Variants in CHST9 observed in about 807,000 individuals in gnomAD.
CHST9 encodes GalNAc-4-sulfotransferase 2.
Under a neutral mutation model 44.4 loss-of-function variants are expected in CHST9, and 41 were observed. That is an observed-to-expected ratio of 0.92 (90% CI 0.72 to 1.20). The LOEUF (loss-of-function observed/expected upper bound fraction) is 1.20. Among genes scored for constraint, CHST9 ranks in the 50% most tolerant of loss-of-function variants. CHST9 has a pLI of 0.00. For synonymous variants in CHST9, 171 were observed against 178.4 expected, an observed-to-expected ratio of 0.96 and a Z score of 0.33; for missense variants, 504 against 516.5, an observed-to-expected ratio of 0.98 and a Z score of 0.23.
At chr18:27,180,144 A>C (rs2058900511) in intron 1 of CHST9, among the ~76,000 whole-genome samples, 1 of 152,100 alleles carries the variant, frequency 6.6e-6, no homozygotes, top group East Asian at 1.9e-4. Context: ...TAGTATCTCA[A>C]CACTAGTTTA....
At chr18:26,928,028 A>G (rs2055805317) in intron 5 of CHST9, among the ~76,000 whole-genome samples, 1 of 152,310 alleles carries the variant, frequency 6.6e-6, no homozygotes. Flanking sequence ...CATTTGTTTA[A>G]CAAAGCACAT....
chr18:27,103,556 G>A (rs1177789481), intron 2 of CHST9, among the ~76,000 whole-genome samples: 2 of 152,226 alleles, frequency 1.3e-5, no homozygotes, highest in African/African-American at 4.8e-5. Flanking sequence ...ATGGTGCTAA[G>A]ATGGTGACCG....
chr18:26,908,190 G>A lies in CHST9; in HGVS notation c.*8069C>T, dbSNP rs12458920. Reference sequence around the variant, plus strand: ...TCCCAGCACTTTGGGAGGCTGTGGCGGATGGGTCACGAGGTCAAGAGATCG... The same window carrying A: ...TCCCAGCACTTTGGGAGGCTGTGGCAGATGGGTCACGAGGTCAAGAGATCG... On this transcript the variant is annotated 3_prime_UTR_variant, in exon 6 of 6. Transcript: ENST00000618847. 31,277 of 152,310 alleles carry A rather than the reference G, an allele frequency of 0.21. 3,540 individuals carry two copies. Among genetic ancestry groups the A allele is most frequent in the Middle Eastern group, 0.32 (94 of 296 alleles). 9.4% of individuals were successfully genotyped at this position (152,310 alleles called of 1,614,324 possible).
rs1008070964 is a variant in CHST9, at chr18:26,915,747, T to A, written c.*512A>T. 2.6e-5 allele frequency: 4 copies of A among 152,644 alleles called. No individual in the cohort carries two copies. The highest frequency in any genetic ancestry group is 9.7e-5 in the African/African-American group (4 of 41,442). 9.5% of individuals were successfully genotyped at this position (152,644 alleles called of 1,614,324 possible). A position where few individuals can be genotyped will look rare whatever the true frequency, so the allele number is the denominator to read the frequency against. ...TTGTAAATCACATAATGCCTTCCAATCTAAAGTAAAATGCCTAAGTCCAAA... is the reference window on the plus strand; with the variant it reads ...TTGTAAATCACATAATGCCTTCCAAACTAAAGTAAAATGCCTAAGTCCAAA... On this transcript the variant is annotated 3_prime_UTR_variant, in exon 6 of 6. Transcript: ENST00000618847.
chr18:27,173,113 T>C (rs1055058320), intron 1 of CHST9, among the ~76,000 whole-genome samples: 1 of 152,120 alleles, frequency 6.6e-6, no homozygotes, highest in East Asian at 1.9e-4. Flanking sequence ...TACAAATTTA[T>C]AAATATTTTT....
At chr18:26,995,313 C>T (rs1351342857) in intron 4 of CHST9, among the ~76,000 whole-genome samples, 9 of 151,118 alleles carry the variant, frequency 6.0e-5, no homozygotes, top group African/African-American at 2.2e-4. Context: ...TGGTGGGCGC[C>T]TGTAGTCTCA....
At chr18:27,067,665 G>A (rs1036153314) in intron 2 of CHST9, among the ~76,000 whole-genome samples, 2 of 151,992 alleles carry the variant, frequency 1.3e-5, no homozygotes, top group African/African-American at 2.4e-5. Flanking sequence ...GTACTCTTGC[G>A]TAAAGCAGCT....
At chr18:26,970,686 C>T (rs1389530970) in intron 4 of CHST9, among the ~76,000 whole-genome samples, 1 of 152,214 alleles carries the variant, frequency 6.6e-6, no homozygotes, top group Admixed American at 6.5e-5. Context: ...TCTCGGCCTC[C>T]CAAAGTGCTG....
At chr18:27,045,982 T>A (rs779452652) in intron 3 of CHST9, among the ~76,000 whole-genome samples, 1 of 152,042 alleles carries the variant, frequency 6.6e-6, no homozygotes, top group African/African-American at 2.4e-5. Context: ...TATAATGAAA[T>A]GAAAGCCACT....
chr18:27,028,932 G>A (rs527848327), intron 3 of CHST9, among the ~76,000 whole-genome samples: 3 of 152,156 alleles, frequency 2.0e-5, no homozygotes, highest in East Asian at 3.8e-4. Flanking sequence ...TTATTAAAAC[G>A]TTTAAAATGG....
chr18:27,014,128 G>A (rs1469764720), intron 4 of CHST9, among the ~76,000 whole-genome samples: 1 of 152,026 alleles, frequency 6.6e-6, no homozygotes, highest in South Asian at 2.1e-4. Context: ...TAAAGTCAAT[G>A]GAGTGTACCA....
At chr18:27,164,787 A>G (rs1230171465) in intron 1 of CHST9, among the ~76,000 whole-genome samples, 3 of 152,246 alleles carry the variant, frequency 2.0e-5, no homozygotes, top group Admixed American at 2.0e-4. Flanking sequence ...CAGTAGCAAC[A>G]CTGGAATCTA....
chr18:26,970,961 T>C (rs1031518457), intron 4 of CHST9, among the ~76,000 whole-genome samples: 4 of 152,162 alleles, frequency 2.6e-5, no homozygotes, highest in African/African-American at 9.7e-5. Flanking sequence ...TCAGCTCTAT[T>C]TTTGCTTGTC....
intron 2 of CHST9, among the ~76,000 whole-genome samples, chr18:27,074,720 A>T (rs780956208): frequency 4.6e-5 from 7 of 151,648 alleles, no homozygotes; most frequent in Non-Finnish European, 8.8e-5. Context: ...AACAAAGCTT[A>T]TACTTTATTT....
chr18:27,147,296 A>T (rs1253224444), intron 1 of CHST9, among the ~76,000 whole-genome samples: 3 of 151,950 alleles, frequency 2.0e-5, no homozygotes, highest in Admixed American at 6.6e-5. Flanking sequence ...CCAACTCCCG[A>T]CCTCAGGTGA....
intron 5 of CHST9, among the ~76,000 whole-genome samples, chr18:26,918,447 T>C (rs2055579211): frequency 6.6e-6 from 1 of 151,986 alleles, no homozygotes; most frequent in African/African-American, 2.4e-5. Context: ...GTGGGGAAAG[T>C]TTCCTAGGGA....
intron 4 of CHST9, among the ~76,000 whole-genome samples, chr18:26,993,167 A>G (rs1227423502): frequency 6.6e-6 from 1 of 152,188 alleles, no homozygotes; most frequent in Non-Finnish European, 1.5e-5. Context: ...AGAGGATTCA[A>G]ATCTCAGACT....
intron 4 of CHST9, among the ~76,000 whole-genome samples, chr18:26,977,574 G>A (rs372182594): frequency 6.6e-6 from 1 of 152,070 alleles, no homozygotes; most frequent in African/African-American, 2.4e-5. Context: ...TAATCTAAAA[G>A]GTCTAGGGCT....
intron 4 of CHST9, chr18:26,952,568 G>T: frequency 7.2e-6 from 3 of 415,992 alleles, no homozygotes; most frequent in South Asian, 6.4e-5. Flanking sequence ...AGTTTATTTT[G>T]AACCATAGGC....
Sources: gnomAD v4.1 joint callset for allele counts (sites outside exome capture counted in the v4.1 genomes callset) on GRCh38, gnomAD v4.1.1 for gene constraint, MANE v1.5 for transcripts, NCBI Gene and HGNC (gene_info 2026-07-23, HGNC 2026-07-21) for gene names.